Variants in MCC observed in about 807,000 individuals in gnomAD.
MCC encodes the protein colorectal mutant cancer protein.
Under a neutral mutation model 116.2 loss-of-function variants are expected in MCC, and 90 were observed. The ratio of observed to expected loss-of-function variants is 0.77; its 90% confidence interval spans 0.65 to 0.92. The LOEUF (loss-of-function observed/expected upper bound fraction) is 0.92. Among genes scored for constraint, MCC ranks in the 40% least tolerant of loss-of-function variants. MCC has a pLI of 0.00. For missense variants in MCC, 1,516 were observed against 1,312.2 expected (o/e 1.16, Z -2.40); for synonymous variants, 578 against 510.5 (o/e 1.13, Z -1.78).
chr5:113,451,040 A>G (rs1288886396), intron 1 of MCC, among the ~76,000 whole-genome samples: 1 of 151,666 alleles, frequency 6.6e-6, no homozygotes, highest in African/African-American at 2.4e-5. Context: ...CCTTTTCCAC[A>G]ATTGCATTTT....
chr5:113,148,501 C>T (rs1486143881), intron 4 of MCC, among the ~76,000 whole-genome samples: 1 of 152,166 alleles, frequency 6.6e-6, no homozygotes, highest in Non-Finnish European at 1.5e-5. Context: ...CCACCATTTA[C>T]ATTTTACATT....
At chr5:113,078,653 G>T (rs569448463) in intron 11 of MCC, among the ~76,000 whole-genome samples, 98 of 152,204 alleles carry the variant, frequency 6.4e-4, no homozygotes, top group African/African-American at 2.1e-3. Context: ...TTGATGGGAC[G>T]TATCTCAAAA....
chr5:113,043,454 GAGC>G (rs1017819879), intron 17 of MCC, 73 bp downstream of exon 17: 1 of 1,305,798 alleles, frequency 7.7e-7, no homozygotes, highest in African/African-American at 1.5e-5. Context: ...CTCCTTTTGG[GAGC>G]AGCAAAGAGA....
intron 3 of MCC, among the ~76,000 whole-genome samples, chr5:113,292,627 T>C (rs1028758029): frequency 6.6e-6 from 1 of 152,164 alleles, no homozygotes; most frequent in Non-Finnish European, 1.5e-5. Flanking sequence ...CATTCTCTGC[T>C]CACCCAATGT....
chr5:113,135,328 G>A (rs1256458717), intron 5 of MCC, among the ~76,000 whole-genome samples: 2 of 149,804 alleles, frequency 1.3e-5, no homozygotes, highest in African/African-American at 4.9e-5. Flanking sequence ...GCCGAGGCGG[G>A]TGGATCACAA....
At chr5:113,298,865 T>A (rs1189364936) in intron 3 of MCC, among the ~76,000 whole-genome samples, 1 of 152,222 alleles carries the variant, frequency 6.6e-6, no homozygotes, top group Non-Finnish European at 1.5e-5. Context: ...TAATTTGTAA[T>A]CAGATTCTGA....
intron 3 of MCC, among the ~76,000 whole-genome samples, chr5:113,240,851 G>A (rs923892174): frequency 1.7e-4 from 26 of 152,302 alleles, no homozygotes; most frequent in African/African-American, 6.0e-4. Flanking sequence ...ACACCTTGAG[G>A]ACCAGACCCT....
chr5:113,473,315 G>A (rs1323037707), intron 1 of MCC, among the ~76,000 whole-genome samples: 1 of 152,110 alleles, frequency 6.6e-6, no homozygotes, highest in Non-Finnish European at 1.5e-5. Context: ...CTTGAGTACA[G>A]GAGTTTGAGA....
intron 1 of MCC, among the ~76,000 whole-genome samples, chr5:113,479,603 C>G (rs1432339907): frequency 6.6e-6 from 1 of 152,100 alleles, no homozygotes; most frequent in Non-Finnish European, 1.5e-5. Context: ...TAGGGCTCTA[C>G]TTTTTATCTT....
intron 11 of MCC, among the ~76,000 whole-genome samples, chr5:113,071,597 C>G (rs1171455886): frequency 6.6e-6 from 1 of 152,194 alleles, no homozygotes; most frequent in Non-Finnish European, 1.5e-5. Flanking sequence ...TTAGATAAGT[C>G]ACCCTCCACA....
In MCC at chr5:113,433,574, G is replaced by A. The variant is rs539613122; in HGVS notation, c.171-48362C>T. On this transcript the variant is annotated intron_variant, in intron 1 of 18. Coordinates refer to ENST00000408903, the MANE Select transcript of MCC (RefSeq NM_001085377.2). ...TTGGCCTCATCCACCTAGGGGCCAC[G>A]GGAGAACCATGTGGGTTACCAAGTT... 46 of 927,358 alleles carry A rather than the reference G, an allele frequency of 5.0e-5. No homozygotes were observed. In the Admixed American group the frequency reaches 7.5e-4, roughly 15 times the overall value. 57.4% of individuals were successfully genotyped at this position (927,358 alleles called of 1,614,324 possible).
intron 3 of MCC, among the ~76,000 whole-genome samples, chr5:113,219,689 G>A (rs4355514): frequency 0.025 from 3,785 of 152,170 alleles, 187 homozygotes; most frequent in African/African-American, 0.087. Context: ...AATAAAGTGA[G>A]GTTTGTTTTC....
At chr5:113,239,013 GC>G (rs1172161254) in intron 3 of MCC, among the ~76,000 whole-genome samples, 1 of 152,120 alleles carries the variant, frequency 6.6e-6, no homozygotes, top group Non-Finnish European at 1.5e-5. Context: ...GAATATTCAT[GC>G]ATATGTTTTT....
chr5:113,081,278 C>T (rs1754840086), intron 11 of MCC, among the ~76,000 whole-genome samples: 1 of 152,184 alleles, frequency 6.6e-6, no homozygotes, highest in Non-Finnish European at 1.5e-5. Flanking sequence ...TCTGTCTCAG[C>T]TACTTAATAG....
At chr5:113,423,786 G>A (rs1226471966) in intron 1 of MCC, among the ~76,000 whole-genome samples, 1 of 151,960 alleles carries the variant, frequency 6.6e-6, no homozygotes, top group Non-Finnish European at 1.5e-5. Flanking sequence ...TCTCAACCCG[G>A]GCAGAAAACT....
chr5:113,066,803 C>G (rs534269842), intron 13 of MCC, among the ~76,000 whole-genome samples: 2 of 152,188 alleles, frequency 1.3e-5, no homozygotes, highest in African/African-American at 4.8e-5. Context: ...AAGCTCACAG[C>G]AGAAATCCAG....
At chr5:113,037,565 C>A (rs991444240) in intron 17 of MCC, among the ~76,000 whole-genome samples, 1 of 152,120 alleles carries the variant, frequency 6.6e-6, no homozygotes, top group African/African-American at 2.4e-5. Context: ...TGGTGGTGTG[C>A]ACCTGTAGTC....
chr5:113,312,849 T>C (rs1274577899), intron 3 of MCC, among the ~76,000 whole-genome samples: 2 of 152,192 alleles, frequency 1.3e-5, no homozygotes, highest in Non-Finnish European at 2.9e-5. Flanking sequence ...TGAACATTTA[T>C]TGAGAGGTTT....
At chr5:113,195,823 C>T (rs1487202287) in intron 3 of MCC, among the ~76,000 whole-genome samples, 1 of 152,184 alleles carries the variant, frequency 6.6e-6, no homozygotes, top group Non-Finnish European at 1.5e-5. Flanking sequence ...GTTCCAAATA[C>T]CACCATCTGG....
Sources: gnomAD v4.1 joint callset for allele counts (sites outside exome capture counted in the v4.1 genomes callset) on GRCh38, gnomAD v4.1.1 for gene constraint, MANE v1.5 for transcripts, NCBI Gene and HGNC (gene_info 2026-07-23, HGNC 2026-07-21) for gene names.